Variants in LAMA3 observed in about 807,000 individuals in gnomAD.
The protein encoded by LAMA3 is laminin subunit alpha-3.
Under a neutral mutation model 402.0 loss-of-function variants are expected in LAMA3, and 281 were observed. That is an observed-to-expected ratio of 0.70 (90% CI 0.63 to 0.77). The LOEUF is 0.77. Ranked by LOEUF, LAMA3 falls within the 30% of genes least tolerant of loss-of-function variation. LAMA3 has a pLI of 0.00. For missense variants in LAMA3, 3,840 were observed against 4,215.5 expected, an observed-to-expected ratio of 0.91 and a Z score of 2.47; for synonymous variants, 1,431 against 1,558.4, an observed-to-expected ratio of 0.92 and a Z score of 1.93.
At chr18:23,936,506 TG>T (rs1599142846) in intron 67 of LAMA3, among the ~76,000 whole-genome samples, 2 of 151,176 alleles carry the variant, frequency 1.3e-5, no homozygotes, top group African/African-American at 4.9e-5. Context: ...CAGAGCTCAG[TG>T]GGGATCTCCA....
At position 23,946,383 on chromosome 18, in the gene LAMA3, C is replaced by A. The variant is rs866976086; in HGVS notation, c.9351+99C>A. 8.5e-5 allele frequency: 108 copies of A among 1,263,778 alleles called. No individual in the cohort carries two copies. In the Middle Eastern group the frequency reaches 2.2e-3, roughly 26 times the overall value. The allele number at this position is 1,263,778 out of a possible 1,614,324, so 78.3% of individuals were successfully genotyped here. A position where few individuals can be genotyped will look rare whatever the true frequency, so the allele number is the denominator to read the frequency against. Reference sequence around the variant, plus strand: ...CAAAATACTCACCATATGAGAATCTCAAAATACTTTAAATGATTTTTAAGG... The same window carrying A: ...CAAAATACTCACCATATGAGAATCTAAAAATACTTTAAATGATTTTTAAGG... On this transcript the variant is annotated intron_variant, in intron 70 of 74. Coordinates refer to ENST00000313654, the MANE Select transcript of LAMA3 (RefSeq NM_198129.4).
At chr18:23,810,662 T>G (rs912050785) in intron 13 of LAMA3, among the ~76,000 whole-genome samples, 159 bp downstream of exon 13, 2 of 152,054 alleles carry the variant, frequency 1.3e-5, no homozygotes, top group African/African-American at 4.8e-5. Flanking sequence ...CCTGTTCAAG[T>G]CTGGTTTGAA....
rs1555738653 is a variant in LAMA3, at chr18:23,916,032, G to GAAAAGA, written c.7779-515_7779-510dup. Among the ~76,000 whole-genome samples the GAAAAGA allele has an allele frequency of 5.8e-4, 68 of 116,346 alleles. 1 individual carries two copies. The highest frequency in any genetic ancestry group is 4.3e-3 in the Middle Eastern group (1 of 230). 76.3% of individuals were successfully genotyped at this position (116,346 alleles called of 152,430 possible). On this transcript the variant is annotated intron_variant, in intron 59 of 74. Coordinates refer to ENST00000313654, the MANE Select transcript of LAMA3 (RefSeq NM_198129.4). ...AAAAAAAAAAAAAAAAAAAAAAAAA[G>GAAAAGA]AAAAGAAAAGAAAAAGAAAAAGAAA...
In LAMA3 at chr18:23,773,583, C is replaced by T. The variant is rs751726740; in HGVS notation, c.1269C>T (p.Cys423=). 2.4e-5 allele frequency: 37 copies of T among 1,574,018 alleles called. No homozygotes were observed. Among genetic ancestry groups the T allele is most frequent in the Non-Finnish European group, 2.9e-5 (34 of 1,154,600 alleles). ...YGVPVDAPDG[C]IPCSCDPEHA... ...TTCCAGTGGATGCCCCTGATGGCTG[C>T]ATCCGTAAGTTTCATTTCAAGTTGG... The change falls in exon 9 of 75, where the codon TGC becomes TGT. Residue 423 remains cysteine, a synonymous_variant. Transcript: ENST00000313654.
chr18:23,890,506 A>T (rs1035581669), intron 42 of LAMA3, among the ~76,000 whole-genome samples: 5 of 151,946 alleles, frequency 3.3e-5, no homozygotes, highest in Non-Finnish European at 5.9e-5. Flanking sequence ...AAATTGAAAT[A>T]CTCTTTATCT....
In LAMA3 at chr18:23,764,572, T is replaced by C. The variant is rs557390617; in HGVS notation, c.1182+1049T>C. On this transcript the variant is annotated intron_variant, in intron 8 of 74. Coordinates refer to ENST00000313654, the MANE Select transcript of LAMA3 (RefSeq NM_198129.4). ...CAGGAAACCATCAATGTAGTCTTTT[T>C]TTTCATAGTGGGTCTGCAAAAACAT... Among the ~76,000 whole-genome samples the C allele has an allele frequency of 4.5e-4, 68 of 152,272 alleles. No individual in the cohort carries two copies. The South Asian group carries it at 0.011, about 25-fold the overall frequency.
intron 13 of LAMA3, 141 bp downstream of exon 13, chr18:23,810,644 G>C (rs975652253): frequency 2.2e-6 from 2 of 908,692 alleles, no homozygotes; most frequent in African/African-American, 3.3e-5. Context: ...AGTCTGCTTG[G>C]TTCCTCACCT....
chr18:23,798,247 C>T (rs1291158596), intron 12 of LAMA3, among the ~76,000 whole-genome samples: 6 of 152,224 alleles, frequency 3.9e-5, no homozygotes, highest in Non-Finnish European at 5.9e-5. Flanking sequence ...AATGCGGAAA[C>T]GGGTGGTCCT....
chr18:23,926,466 C>T (rs2082006776), intron 62 of LAMA3, among the ~76,000 whole-genome samples: 1 of 152,158 alleles, frequency 6.6e-6, no homozygotes, highest in African/African-American at 2.4e-5. Flanking sequence ...GGCAAAAGGC[C>T]ATCTTTATAA....
intron 12 of LAMA3, among the ~76,000 whole-genome samples, chr18:23,804,113 C>G (rs1046323594): frequency 6.6e-6 from 1 of 152,056 alleles, no homozygotes; most frequent in African/African-American, 2.4e-5. Flanking sequence ...CTACTAAGAC[C>G]CAGTAGAAAG....
At chr18:23,931,629 T>C (rs1317979926) in intron 65 of LAMA3, 1 of 202,722 alleles carries the variant, frequency 4.9e-6, no homozygotes, top group African/African-American at 2.4e-5. Context: ...TGTAATGACA[T>C]GAATGACCCT....
Position 23,904,689 on chromosome 18 carries a change from C to T in LAMA3, c.6610C>T (p.Leu2204Phe), listed in dbSNP as rs1470010665. ...NRAASASESALQTVIKEDLPR... is the reference protein window; with the variant it reads ...NRAASASESAFQTVIKEDLPR... ...GGCTGCCAGTGCATCTGAATCTGCC[C>T]TCCAGGTGGGCACCTGTACCAGCAG... The change falls in exon 51 of 75, where the codon CTC becomes TTC. Residue 2204 changes from leucine (L) to phenylalanine (F), a missense_variant. Physicochemically the swap from Leu to Phe is conservative, Grantham distance 22. This residue lies in a region of LAMA3 where 891 missense variants were observed against 857.5 expected (regional missense o/e 1.04). Coordinates refer to ENST00000313654, the MANE Select transcript of LAMA3 (RefSeq NM_198129.4). The T allele has an allele frequency of 6.8e-6, 11 of 1,613,934 alleles. No homozygotes were observed. The Admixed American group carries it at 1.8e-4, about 27-fold the overall frequency.
At position 23,773,609 on chromosome 18, in the gene LAMA3, T is replaced by C. The variant is rs1412790397; in HGVS notation, c.1273+22T>C. The C allele has an allele frequency of 8.7e-6, 13 of 1,502,004 alleles. No homozygotes were observed. In the Admixed American group the frequency reaches 2.3e-4, roughly 26 times the overall value. 93.0% of individuals were successfully genotyped at this position (1,502,004 alleles called of 1,614,324 possible). On this transcript the variant is annotated intron_variant, in intron 9 of 74. Transcript: ENST00000313654. The stretch of plus-strand genomic sequence containing the variant: ...ATCCGTAAGTTTCATTTCAAGTTGG[T>C]GTATCTTAGCCTGTGTGTACTGCCT...
intron 12 of LAMA3, among the ~76,000 whole-genome samples, chr18:23,799,738 G>A (rs1568196814): frequency 6.6e-6 from 1 of 151,406 alleles, no homozygotes; most frequent in African/African-American, 2.4e-5. Flanking sequence ...GTGTACGTAT[G>A]GAGAGAGAGA....
Position 23,813,110 on chromosome 18 carries a change from A to G in LAMA3, c.1788+7A>G. ...TACCATCAACTCCAATTTGGTAAGTAGACTATAAAAGGGTTGCAATTCTAA... is the reference window on the plus strand; with the variant it reads ...TACCATCAACTCCAATTTGGTAAGTGGACTATAAAAGGGTTGCAATTCTAA... On this transcript the variant is annotated splice_region_variant and intron_variant, in intron 14 of 74. Coordinates refer to ENST00000313654, the MANE Select transcript of LAMA3 (RefSeq NM_198129.4). The G allele has an allele frequency of 6.3e-7, 1 of 1,586,632 alleles. No individual in the cohort carries two copies. The highest frequency in any genetic ancestry group is 8.7e-7 in the Non-Finnish European group (1 of 1,154,972).
rs62093160 is a variant in LAMA3, at chr18:23,857,565, G to T, written c.4137-279G>T. 0.052 allele frequency among the ~76,000 whole-genome samples: 7,959 copies of T among 152,286 alleles called. 285 individuals are homozygous for T. The highest frequency in any genetic ancestry group is 0.12 in the Middle Eastern group (35 of 294). ...TGGGCCATCTGCGGGAGCCCTCCAG[G>T]CTCGGGGGCCATGTCCCTTCTTGCG... On this transcript the variant is annotated intron_variant, in intron 32 of 74. Coordinates refer to ENST00000313654, the MANE Select transcript of LAMA3 (RefSeq NM_198129.4).
rs1286180329 is a variant in LAMA3, at chr18:23,794,061, A to G, written c.1603+9904A>G. On this transcript the variant is annotated intron_variant, in intron 12 of 74. Coordinates refer to ENST00000313654, the MANE Select transcript of LAMA3 (RefSeq NM_198129.4). ...ATGGGGGAAGAGACTGGGAGCTTCC[A>G]TGCCCTCCCTGGGCCCCACCCTCCA... 3.9e-5 allele frequency among the ~76,000 whole-genome samples: 6 copies of G among 152,364 alleles called. No homozygotes were observed. In the East Asian group the frequency reaches 1.2e-3, roughly 29 times the overall value.
intron 62 of LAMA3, among the ~76,000 whole-genome samples, chr18:23,923,549 G>T (rs2081914633): frequency 6.6e-6 from 1 of 152,230 alleles, no homozygotes; most frequent in African/African-American, 2.4e-5. Flanking sequence ...CACACCAACG[G>T]AGGAGTGGGG....
At chr18:23,777,661 A>C in intron 11 of LAMA3, 42 bp downstream of exon 11, 2 of 1,388,814 alleles carry the variant, frequency 1.4e-6, no homozygotes, top group South Asian at 2.3e-5. Flanking sequence ...TGAAAATGTT[A>C]TGCCCTTATT....
Sources: allele counts gnomAD v4.1 joint callset (sites outside exome capture counted in the v4.1 genomes callset), GRCh38; gene constraint gnomAD v4.1.1; regional missense constraint gnomAD v4.1.1; transcripts MANE v1.5; gene names NCBI Gene and HGNC (gene_info 2026-07-23, HGNC 2026-07-21).